Variants in MRTFB observed in about 807,000 individuals in gnomAD.
MRTFB encodes the protein myocardin related transcription factor B.
Under a neutral mutation model 104.2 loss-of-function variants are expected in MRTFB, and 29 were observed. The ratio of observed to expected loss-of-function variants is 0.28; its 90% confidence interval spans 0.21 to 0.38. The LOEUF (loss-of-function observed/expected upper bound fraction) is 0.38, where lower values mean the gene tolerates loss of function less well. MRTFB is among the 10% of genes least tolerant of loss of function. The probability of loss-of-function intolerance (pLI) is 1.00; values close to 1 mark genes in which losing one functional copy is unlikely to be tolerated. For missense variants in MRTFB, 1,270 were observed against 1,341.6 expected (o/e 0.95, Z 0.83); for synonymous variants, 535 against 519.5 (o/e 1.03, Z -0.41).
At chr16:14,245,347 CAAACA>C (rs530778428) in intron 10 of MRTFB, among the ~76,000 whole-genome samples, 176 bp from the exon 11 acceptor site, 25 of 152,278 alleles carry the variant, frequency 1.6e-4, no homozygotes, top group African/African-American at 5.8e-4. Flanking sequence ...CGCTAGCAAA[CAAACA>C]AAACCTGCAG....
intron 8 of MRTFB, among the ~76,000 whole-genome samples, chr16:14,231,603 A>G (rs1270127818): frequency 2.6e-5 from 4 of 152,096 alleles, no homozygotes; most frequent in Non-Finnish European, 4.4e-5. Context: ...TGTTCTCATC[A>G]TTTAGCTCCC....
chr16:14,017,819 A>G, the MRTFB span, among the ~76,000 whole-genome samples: 1 of 145,318 alleles, frequency 6.9e-6, no homozygotes, highest in Non-Finnish European at 1.5e-5. Context: ...CCTGGGTTCA[A>G]GTGATCCTCC....
At chr16:14,244,327 A>G (rs1487780418) in intron 10 of MRTFB, among the ~76,000 whole-genome samples, 3 of 152,172 alleles carry the variant, frequency 2.0e-5, no homozygotes, top group Admixed American at 6.5e-5. Flanking sequence ...AGTTGGGGCT[A>G]TTAGGAATAA....
intron 3 of MRTFB, among the ~76,000 whole-genome samples, chr16:14,164,472 G>C (rs2142936569): frequency 6.6e-6 from 1 of 152,126 alleles, no homozygotes; most frequent in African/African-American, 2.4e-5. Flanking sequence ...GGGGATGGGG[G>C]TGTTCACACA....
chr16:14,181,529 G>A (rs1391811074), intron 3 of MRTFB, among the ~76,000 whole-genome samples: 1 of 152,160 alleles, frequency 6.6e-6, no homozygotes, highest in South Asian at 2.1e-4. Flanking sequence ...AGACATAGAA[G>A]ATGAAGAGAA....
chr16:14,074,664 ATTAT>A (rs2033929322), intron 1 of MRTFB, among the ~76,000 whole-genome samples: 1 of 152,198 alleles, frequency 6.6e-6, no homozygotes, highest in South Asian at 2.1e-4. Flanking sequence ...ATATGTAAAA[ATTAT>A]TACATAATTT....
the MRTFB span, among the ~76,000 whole-genome samples, chr16:14,001,181 C>T: frequency 6.6e-6 from 1 of 152,248 alleles, no homozygotes; most frequent in Non-Finnish European, 1.5e-5. Context: ...GCAACCGAAA[C>T]ACTGATCCTC....
At chr16:14,066,562 C>A (rs919354806), upstream of MRTFB, among the ~76,000 whole-genome samples, 2 of 152,100 alleles carry the variant, frequency 1.3e-5, no homozygotes, top group African/African-American at 4.8e-5. Flanking sequence ...CATGAGCCAC[C>A]GTGCCCGGCC....
At position 14,230,433 on chromosome 16, in the gene MRTFB, C is replaced by G. The variant is rs535179435; in HGVS notation, c.694-3713C>G. 4.6e-5 allele frequency among the ~76,000 whole-genome samples: 7 copies of G among 152,120 alleles called. No individual in the cohort carries two copies. In the East Asian group the frequency reaches 1.4e-3, roughly 29 times the overall value. On this transcript the variant is annotated intron_variant, in intron 8 of 16. Transcript: ENST00000571589. ...TCTGCAATGAACTCAAACAAATTTA[C>G]AAGAAAAAAACAAACAACCCCATCA... is the stretch of plus-strand genomic sequence containing the variant.
At chr16:14,048,814 A>G in the MRTFB span, among the ~76,000 whole-genome samples, 204 of 152,256 alleles carry the variant, frequency 1.3e-3, 6 homozygotes, top group South Asian at 0.036. Flanking sequence ...TTTGATTTCA[A>G]TGGAGATCCT....
At chr16:14,251,727 C>G in intron 13 of MRTFB, 135 bp from the exon 14 acceptor site, 1 of 891,078 alleles carries the variant, frequency 1.1e-6, no homozygotes, top group East Asian at 2.5e-5. Flanking sequence ...CCAGGTGACC[C>G]ACAAATCATA....
chr16:14,193,581 C>T (rs1368132238), intron 3 of MRTFB: 1 of 152,196 alleles, frequency 6.6e-6, no homozygotes, highest in Non-Finnish European at 1.5e-5. Flanking sequence ...AATATCCCTC[C>T]CCCCTCTAGA....
At chr16:14,167,391 G>A (rs1385075093) in intron 3 of MRTFB, among the ~76,000 whole-genome samples, 1 of 151,732 alleles carries the variant, frequency 6.6e-6, no homozygotes, top group East Asian at 1.9e-4. Flanking sequence ...GTTTCTTGTA[G>A]ACTCTGGATA....
At chr16:14,215,900 T>G (rs1437419322) in intron 6 of MRTFB, among the ~76,000 whole-genome samples, 1 of 152,258 alleles carries the variant, frequency 6.6e-6, no homozygotes, top group East Asian at 1.9e-4. Flanking sequence ...TTCTCAAATT[T>G]CTTACAGTTG....
rs1481794760 is a variant in MRTFB, at chr16:14,140,773, T to C, written c.154+13T>C. The C allele has an allele frequency of 1.9e-6, 3 of 1,614,010 alleles. No individual in the cohort carries two copies. Among genetic ancestry groups the C allele is most frequent in the Non-Finnish European group, 2.5e-6 (3 of 1,179,936 alleles). The stretch of plus-strand genomic sequence containing the variant: ...GAAAGGAAAAATGGTGAGTTCAGCA[T>C]GTGCAATGGGATCTTTGATTTAAAG... On this transcript the variant is annotated intron_variant, in intron 3 of 16. Transcript: ENST00000571589.
At chr16:14,056,583 C>T in the MRTFB span, among the ~76,000 whole-genome samples, 1 of 152,186 alleles carries the variant, frequency 6.6e-6, no homozygotes, top group African/African-American at 2.4e-5. Context: ...CTGGAAGTAA[C>T]CACCTCTCCA....
At chr16:14,239,805 A>G (rs964832807) in intron 9 of MRTFB, among the ~76,000 whole-genome samples, 16 of 152,088 alleles carry the variant, frequency 1.1e-4, no homozygotes, top group African/African-American at 3.9e-4. Flanking sequence ...CATTGGAAGC[A>G]TTTTTTCATT....
chr16:14,183,533 T>G (rs960760014), intron 3 of MRTFB, among the ~76,000 whole-genome samples: 62 of 152,156 alleles, frequency 4.1e-4, no homozygotes, highest in Admixed American at 1.7e-3. Context: ...TTATCAATGT[T>G]AATTTGATAT....
chr16:14,176,715 GAGA>G (rs2039594760), intron 3 of MRTFB, among the ~76,000 whole-genome samples: 1 of 152,214 alleles, frequency 6.6e-6, no homozygotes, highest in Non-Finnish European at 1.5e-5. Context: ...CTGTAAAATG[GAGA>G]TAGTAGTAGA....
Sources: gnomAD v4.1 joint callset for allele counts (sites outside exome capture counted in the v4.1 genomes callset) on GRCh38, gnomAD v4.1.1 for gene constraint, MANE v1.5 for transcripts, NCBI Gene and HGNC (gene_info 2026-07-23, HGNC 2026-07-21) for gene names.